The following FAM110B variants were observed in gnomAD, a reference collection of about 807,000 sequenced individuals.
FAM110B encodes the protein family with sequence similarity 110 member B, also known as protein FAM110B.
FAM110B carries 6 observed loss-of-function variants against 20.4 expected under a neutral mutation model. That is an observed-to-expected ratio of 0.29 (90% CI 0.16 to 0.58). The LOEUF is 0.58. Ranked by LOEUF, FAM110B falls within the 20% of genes least tolerant of loss-of-function variation. The probability of loss-of-function intolerance (pLI) is 0.90; values close to 1 mark genes in which losing one functional copy is unlikely to be tolerated. For missense variants in FAM110B, 434 were observed against 498.2 expected, an observed-to-expected ratio of 0.87 and a Z score of 1.23; for synonymous variants, 226 against 214.1, an observed-to-expected ratio of 1.06 and a Z score of -0.49.
chr8:58,006,884 T>C (rs1161009972), intron 1 of FAM110B, among the ~76,000 whole-genome samples: 1 of 146,074 alleles, frequency 6.8e-6, no homozygotes. Flanking sequence ...CCTGAGCCAC[T>C]GGGCCTGGCT....
At chr8:58,110,808 C>A (rs543374150) in intron 3 of FAM110B, among the ~76,000 whole-genome samples, 1 of 152,204 alleles carries the variant, frequency 6.6e-6, no homozygotes, top group South Asian at 2.1e-4. Context: ...AATGATATGA[C>A]ATTGTGCTAA....
chr8:58,051,906 TGA>T (rs1805450691), intron 2 of FAM110B, among the ~76,000 whole-genome samples: 1 of 152,238 alleles, frequency 6.6e-6, no homozygotes, highest in Non-Finnish European at 1.5e-5. Flanking sequence ...TTCATTTAAA[TGA>T]GGTGGATAAT....
chr8:58,023,512 C>T (rs10504246), intron 1 of FAM110B, among the ~76,000 whole-genome samples: 23,922 of 152,084 alleles, frequency 0.16, 2,346 homozygotes, highest in African/African-American at 0.26. Flanking sequence ...TCAGGTCCTG[C>T]ACAAGTTCAA....
intron 2 of FAM110B, among the ~76,000 whole-genome samples, chr8:58,056,108 C>T (rs2150583016): frequency 6.6e-6 from 1 of 152,162 alleles, no homozygotes; most frequent in East Asian, 1.9e-4. Flanking sequence ...TATGTGTTGA[C>T]TATGTCTGGT....
At chr8:58,122,157 C>T (rs146774516) in intron 3 of FAM110B, among the ~76,000 whole-genome samples, 1 of 152,110 alleles carries the variant, frequency 6.6e-6, no homozygotes, top group East Asian at 1.9e-4. Context: ...AATAATTTCC[C>T]TCAATTTTGA....
At chr8:58,004,705 A>G (rs896448820) in intron 1 of FAM110B, among the ~76,000 whole-genome samples, 1 of 152,216 alleles carries the variant, frequency 6.6e-6, no homozygotes, top group Admixed American at 6.5e-5. Flanking sequence ...AGATCGCACC[A>G]CTGCACTCCA....
intron 2 of FAM110B, among the ~76,000 whole-genome samples, chr8:58,056,565 C>T (rs1467646696): frequency 6.6e-6 from 1 of 152,150 alleles, no homozygotes; most frequent in Non-Finnish European, 1.5e-5. Context: ...CTGCTAAGTG[C>T]TCCCTTATAA....
chr8:58,057,684 T>A (rs994642079), intron 2 of FAM110B, among the ~76,000 whole-genome samples: 2 of 152,184 alleles, frequency 1.3e-5, no homozygotes, highest in Non-Finnish European at 2.9e-5. Flanking sequence ...GCCAGCATGC[T>A]CCCAATTCTA....
chr8:58,104,325 A>G (rs1157267767), intron 3 of FAM110B, among the ~76,000 whole-genome samples: 2 of 152,240 alleles, frequency 1.3e-5, no homozygotes, highest in Non-Finnish European at 2.9e-5. Context: ...GAGAGCAGCT[A>G]AGATCCCAAG....
At chr8:58,061,027 C>T (rs1805646340) in intron 2 of FAM110B, among the ~76,000 whole-genome samples, 2 of 152,166 alleles carry the variant, frequency 1.3e-5, no homozygotes, top group African/African-American at 4.8e-5. Flanking sequence ...GCACCCCCTC[C>T]CCCAACATAC....
intron 3 of FAM110B, chr8:58,099,100 A>G (rs1806713032): frequency 1.3e-5 from 2 of 152,234 alleles, no homozygotes; most frequent in Non-Finnish European, 2.9e-5. Flanking sequence ...CAGTGTTTCT[A>G]TTCCTGCTGA....
chr8:58,068,575 TTG>T (rs1358160550), intron 2 of FAM110B, among the ~76,000 whole-genome samples: 1 of 140,842 alleles, frequency 7.1e-6, no homozygotes, highest in Non-Finnish European at 1.5e-5. Flanking sequence ...TGTCAGCTTT[TTG>T]TAAAGTTTTT....
At position 58,146,185 on chromosome 8, in the gene FAM110B, G is replaced by C; in HGVS notation, c.-46G>C. 6.5e-7 allele frequency: 1 copy of C among 1,548,458 alleles called. No homozygotes were observed. Among genetic ancestry groups the C allele is most frequent in the Non-Finnish European group, 8.7e-7 (1 of 1,146,220 alleles). On this transcript the variant is annotated 5_prime_UTR_variant, in exon 4 of 4. Transcript: ENST00000519262. ...GTGTCTATTCAGGCCTTGCGGAGGC[G>C]CCCAGAAGAGCATCCAACACGGCTG... is the stretch of plus-strand genomic sequence containing the variant.
intron 1 of FAM110B, among the ~76,000 whole-genome samples, chr8:57,998,088 A>G (rs1393216085): frequency 6.6e-6 from 1 of 152,210 alleles, no homozygotes; most frequent in African/African-American, 2.4e-5. Flanking sequence ...TCTTCTCTAT[A>G]ACTCATTGAC....
intron 2 of FAM110B, among the ~76,000 whole-genome samples, chr8:58,053,761 TA>T (rs1161792528): frequency 1.3e-5 from 2 of 152,268 alleles, no homozygotes; most frequent in Admixed American, 6.5e-5. Flanking sequence ...TGGCTTAACT[TA>T]AAATGTTTTT....
At chr8:58,051,908 A>T (rs908904144) in intron 2 of FAM110B, among the ~76,000 whole-genome samples, 1 of 152,218 alleles carries the variant, frequency 6.6e-6, no homozygotes, top group African/African-American at 2.4e-5. Flanking sequence ...CATTTAAATG[A>T]GGTGGATAAT....
chr8:58,034,971 G>A (rs1309509210), intron 2 of FAM110B, among the ~76,000 whole-genome samples: 2 of 152,120 alleles, frequency 1.3e-5, no homozygotes, highest in Non-Finnish European at 2.9e-5. Context: ...TCATCTCATC[G>A]TTAGTTTAAG....
chr8:58,088,113 T>A (rs974880341), intron 3 of FAM110B, among the ~76,000 whole-genome samples: 7 of 152,196 alleles, frequency 4.6e-5, no homozygotes, highest in Admixed American at 2.0e-4. Context: ...AAGAAAAAAA[T>A]TTATTTTGAT....
chr8:58,083,439 G>A (rs781288328), intron 3 of FAM110B, among the ~76,000 whole-genome samples: 5 of 152,120 alleles, frequency 3.3e-5, no homozygotes, highest in Non-Finnish European at 4.4e-5. Context: ...CCTCAACTGC[G>A]TTTAAAATAG....
Sources: gnomAD v4.1 joint callset for allele counts (sites outside exome capture counted in the v4.1 genomes callset) on GRCh38, gnomAD v4.1.1 for gene constraint, MANE v1.5 for transcripts, NCBI Gene and HGNC (gene_info 2026-07-23, HGNC 2026-07-21) for gene names.